The following ZNF600 variants were observed in gnomAD, a reference collection of about 807,000 sequenced individuals.
ZNF600 encodes zinc finger protein 600.
ZNF600 carries 4 observed loss-of-function variants against 7.3 expected under a neutral mutation model. The observed-to-expected ratio is 0.55, with a 90% confidence interval of 0.27 to 1.25. ZNF600 has a LOEUF of 1.25. Among genes scored for constraint, ZNF600 ranks in the 50% most tolerant of loss-of-function variants. The pLI is 0.12. For synonymous variants in ZNF600, 290 were observed against 308.9 expected (o/e 0.94, Z 0.64); for missense variants, 911 against 922.1 (o/e 0.99, Z 0.16).
chr19:52,812,803 T>C, the ZNF600 span, among the ~76,000 whole-genome samples: 49 of 147,484 alleles, frequency 3.3e-4, no homozygotes, highest in Non-Finnish European at 6.3e-4. Flanking sequence ...AAGTGTGCTG[T>C]GTAGAGAGTG....
chr19:52,794,853 T>G, the ZNF600 span, among the ~76,000 whole-genome samples: 1 of 151,986 alleles, frequency 6.6e-6, no homozygotes, highest in East Asian at 1.9e-4. Flanking sequence ...CACTCTTGTC[T>G]CAAAAAAGGA....
the ZNF600 span, chr19:52,808,256 G>T: frequency 6.6e-7 from 1 of 1,505,602 alleles, no homozygotes; most frequent in Non-Finnish European, 8.9e-7. Flanking sequence ...TCCGAGTGAC[G>T]GATTTTTCAC....
the ZNF600 span, chr19:52,799,188 G>T: frequency 2.4e-6 from 1 of 410,160 alleles, no homozygotes; most frequent in Non-Finnish European, 4.7e-6. Flanking sequence ...ACACTTGTAG[G>T]GTTTCTCTCC....
chr19:52,787,534 G>A (rs1395845193), upstream of ZNF600, among the ~76,000 whole-genome samples: 2 of 148,698 alleles, frequency 1.3e-5, no homozygotes, highest in Non-Finnish European at 3.0e-5. Context: ...AGCCTTTCGA[G>A]TAACTGGAAC....
chr19:52,767,520 C>T (rs1407276243), exon 4 of ZNF600: 2 of 1,614,094 alleles, frequency 1.2e-6, no homozygotes, highest in South Asian at 1.1e-5. Context: ...AGGCTTGTTT[C>T]CAGCATGCCT....
the ZNF600 span, among the ~76,000 whole-genome samples, chr19:52,803,635 T>C: frequency 6.6e-6 from 1 of 152,112 alleles, no homozygotes; most frequent in African/African-American, 2.4e-5. Flanking sequence ...CTTTCTGATA[T>C]ATGAGGTCAA....
At chr19:52,775,905 C>T (rs2062670930) in intron 2 of ZNF600, among the ~76,000 whole-genome samples, 1 of 151,894 alleles carries the variant, frequency 6.6e-6, no homozygotes, top group South Asian at 2.1e-4. Flanking sequence ...ACTCGGGAGG[C>T]TGAGGCTGGA....
chr19:52,808,813 A>C, the ZNF600 span, among the ~76,000 whole-genome samples: 1 of 152,090 alleles, frequency 6.6e-6, no homozygotes, highest in African/African-American at 2.4e-5. Flanking sequence ...ACCCCATCTC[A>C]AAATAAAATA....
chr19:52,767,046 C>T (rs1420953386), exon 4 of ZNF600: 8 of 1,613,820 alleles, frequency 5.0e-6, no homozygotes, highest in African/African-American at 4.0e-5. Context: ...GTGAAGTCTA[C>T]GATGGCATGT....
upstream of ZNF600, among the ~76,000 whole-genome samples, chr19:52,788,646 G>A (rs1323174900): frequency 6.6e-6 from 1 of 152,136 alleles, no homozygotes; most frequent in African/African-American, 2.4e-5. Flanking sequence ...CACACACGCT[G>A]CAGCAGGACA....
the ZNF600 span, among the ~76,000 whole-genome samples, chr19:52,828,615 T>C: frequency 6.6e-6 from 1 of 152,118 alleles, no homozygotes; most frequent in Non-Finnish European, 1.5e-5. Context: ...ATATAAAACA[T>C]AGAATGTGTA....
the ZNF600 span, among the ~76,000 whole-genome samples, chr19:52,795,880 T>A: frequency 5.5e-5 from 8 of 145,108 alleles, no homozygotes; most frequent in East Asian, 2.1e-4. Context: ...TTTTTTTTTT[T>A]AATTAAGAAA....
At chr19:52,823,637 A>G in the ZNF600 span, among the ~76,000 whole-genome samples, 4 of 152,158 alleles carry the variant, frequency 2.6e-5, no homozygotes, top group Non-Finnish European at 1.5e-5. Context: ...TTGATGTTTG[A>G]ATTATTTAAC....
chr19:52,779,638 A>G (rs997624818), intron 1 of ZNF600, among the ~76,000 whole-genome samples: 2 of 152,222 alleles, frequency 1.3e-5, no homozygotes, highest in African/African-American at 2.4e-5. Context: ...AAAAGGGAGA[A>G]GTCAAGCTGG....
At chr19:52,810,876 TCCCCC>T in the ZNF600 span, among the ~76,000 whole-genome samples, 24 of 4,664 alleles carry the variant, frequency 5.1e-3, no homozygotes, top group South Asian at 0.071. Context: ...CCCCTCCCCC[TCCCCC>T]TCCCCCTCCC....
exon 4 of ZNF600, chr19:52,766,636 C>T (rs1160586829): frequency 6.2e-6 from 10 of 1,613,990 alleles, no homozygotes; most frequent in Non-Finnish European, 8.5e-6. Context: ...TGATGGCATA[C>T]AAGGGATGAC....
chr19:52,800,300 T>C, the ZNF600 span: 1 of 1,607,184 alleles, frequency 6.2e-7, no homozygotes, highest in Non-Finnish European at 8.5e-7. Context: ...CAGTATGAAC[T>C]CTCTGATGTT....
chr19:52,822,660 CG>C, the ZNF600 span, among the ~76,000 whole-genome samples: 1 of 152,124 alleles, frequency 6.6e-6, no homozygotes, highest in Non-Finnish European at 1.5e-5. Flanking sequence ...CAGCCTTGGT[CG>C]CACATAGTTC....
the ZNF600 span, chr19:52,800,346 C>T: frequency 1.2e-6 from 2 of 1,614,070 alleles, no homozygotes; most frequent in Non-Finnish European, 1.7e-6. Context: ...AGCCTTGTCA[C>T]AAACCTTACA....
Sources: gnomAD v4.1 joint callset for allele counts (sites outside exome capture counted in the v4.1 genomes callset) on GRCh38, gnomAD v4.1.1 for gene constraint, MANE v1.5 for transcripts, NCBI Gene and HGNC (gene_info 2026-07-23, HGNC 2026-07-21) for gene names.